RPL31: variants seen among roughly 807,000 people sequenced by gnomAD.
RPL31 encodes the protein large ribosomal subunit protein eL31.
For missense variants in RPL31, 95 were observed against 164.0 expected (o/e 0.58, Z 2.30); for synonymous variants, 51 against 55.0 (o/e 0.93, Z 0.32).
intron 2 of RPL31, among the ~76,000 whole-genome samples, chr2:101,003,930 T>A (rs1466567979): frequency 6.6e-6 from 1 of 152,168 alleles, no homozygotes; most frequent in Non-Finnish European, 1.5e-5. Context: ...TACTGCCTAG[T>A]TTAAGGGTTG....
At chr2:101,018,015 T>C (rs1192463579) in intron 4 of RPL31, 13 of 1,350,832 alleles carry the variant, frequency 9.6e-6, no homozygotes, top group Non-Finnish European at 1.1e-5. Context: ...TTCAAGCATG[T>C]GCTCATTCTA....
chr2:101,013,302 T>C (rs1395060523), intron 4 of RPL31, among the ~76,000 whole-genome samples: 1 of 152,234 alleles, frequency 6.6e-6, no homozygotes, highest in Admixed American at 6.5e-5. Context: ...TAGGATATTA[T>C]GCATTATGGG....
At chr2:101,016,639 G>A (rs1434029524) in intron 4 of RPL31, among the ~76,000 whole-genome samples, 2 of 152,042 alleles carry the variant, frequency 1.3e-5, no homozygotes, top group East Asian at 1.9e-4. Context: ...GTTTATTGCG[G>A]CACTATTCAC....
At chr2:101,011,100 A>T (rs1199408591), downstream of RPL31, 5 of 1,419,474 alleles carry the variant, frequency 3.5e-6, no homozygotes, top group Non-Finnish European at 2.9e-6. Flanking sequence ...ACTATGTAGG[A>T]GAGAGGAGCA....
chr2:101,004,190 A>G lies in RPL31; in HGVS notation c.140A>G (p.Lys47Arg), dbSNP rs1418315642. 9 of 1,613,940 alleles carry G rather than the reference A, an allele frequency of 5.6e-6. No individual in the cohort carries two copies. The highest frequency in any genetic ancestry group is 6.8e-6 in the Non-Finnish European group (8 of 1,179,936). ...GFKKRAPRAL[K>R]EIRKFAMKEM... Reference sequence around the variant, plus strand: ...AAGAAGCGTGCACCTCGGGCACTCAAAGAGATTCGGAAATTTGCCATGAAG... The same window carrying G: ...AAGAAGCGTGCACCTCGGGCACTCAGAGAGATTCGGAAATTTGCCATGAAG... Residue 47 changes from lysine to arginine, a missense_variant, in exon 3 of 5, where the codon AAA (lysine) becomes AGA (arginine). Transcript: ENST00000264258.
Position 101,018,165 on chromosome 2 carries a change from T to C in RPL31, c.347-833T>C, listed in dbSNP as rs1679792458. On this transcript the variant is annotated intron_variant, in intron 4 of 4. Transcript: ENST00000409028. ...TCCCTCATTCATACAGATATTGCTG[T>C]ACTAATCTATAATTATGTTTTAGAA... 9.2e-6 allele frequency: 4 copies of C among 435,148 alleles called. No homozygotes were observed. The Admixed American group carries it at 1.5e-4, about 16-fold the overall frequency. 27.0% of individuals were successfully genotyped at this position (435,148 alleles called of 1,614,324 possible).
intron 3 of RPL31, chr2:101,005,058 A>G (rs1340495376): frequency 1.3e-5 from 2 of 152,312 alleles, no homozygotes; most frequent in Non-Finnish European, 2.9e-5. Flanking sequence ...CCTGAGACCT[A>G]GCTCTTCTGT....
chr2:101,008,317 A>ATCC (rs1039444267), downstream of RPL31: 2 of 1,443,296 alleles, frequency 1.4e-6, no homozygotes, highest in Non-Finnish European at 1.8e-6. Flanking sequence ...ACCAGGGTGG[A>ATCC]AGTGTCATTT....
chr2:101,007,987 TC>T (rs1558961798), downstream of RPL31: 2 of 1,614,034 alleles, frequency 1.2e-6, no homozygotes. Context: ...TAAAATATGT[TC>T]AAGGGAGACA....
chr2:101,011,246 C>G, downstream of RPL31: 1 of 689,000 alleles, frequency 1.5e-6, no homozygotes, highest in Non-Finnish European at 2.4e-6. Context: ...GAGGAAGGAA[C>G]TTGGTGGTGG....
rs771552572 is a variant in RPL31 at position 101,006,423 on chromosome 2, A to ATGTT, written c.*44_*47dup. ...CAAATAAAGTTATAAAATTGCCTTC[A>ATGTT]TGTTTTTGTTCTTTTTAGTTGCAAC... On this transcript the variant is annotated 3_prime_UTR_variant, in exon 5 of 5. Coordinates refer to ENST00000264258, the MANE Select transcript of RPL31 (RefSeq NM_000993.5). 1.3e-6 allele frequency: 2 copies of ATGTT among 1,589,010 alleles called. No homozygotes were observed. The highest frequency in any genetic ancestry group is 1.7e-6 in the Non-Finnish European group (2 of 1,168,088).
downstream of RPL31, chr2:101,011,264 G>T (rs1334593339): frequency 9.9e-6 from 7 of 708,412 alleles, no homozygotes; most frequent in Non-Finnish European, 1.4e-5. Context: ...TGGGGGCAAG[G>T]GGCAGCCACC....
At chr2:101,007,926 C>T (rs1678859519), downstream of RPL31, 25 of 1,614,014 alleles carry the variant, frequency 1.5e-5, no homozygotes, top group Non-Finnish European at 2.0e-5. Context: ...ATTTCATGTC[C>T]AGTGGCTTTT....
downstream of RPL31, among the ~76,000 whole-genome samples, chr2:101,009,860 C>G (rs1197056630): frequency 6.8e-6 from 1 of 147,024 alleles, no homozygotes; most frequent in African/African-American, 2.5e-5. Context: ...CTCGCTCTGT[C>G]GCCCAGGCTG....
downstream of RPL31, chr2:101,007,887 C>CTGA (rs752440402): frequency 1.9e-6 from 3 of 1,613,988 alleles, no homozygotes; most frequent in African/African-American, 2.7e-5. Flanking sequence ...TGAGATTGTA[C>CTGA]TGATTGATCT....
At position 101,006,067 on chromosome 2, in the gene RPL31, C is replaced by T; in HGVS notation, c.342C>T (p.Phe114=). The T allele has an allele frequency of 6.2e-7, 1 of 1,612,854 alleles. No homozygotes were observed. The highest frequency in any genetic ancestry group is 8.5e-7 in the Non-Finnish European group (1 of 1,179,580). ...TTACCTATGTACCTGTTACCACTTT[C>T]AAAAGTAAGTTCTCCATCCCATAAA... ...TLVTYVPVTT[F]KNLQTVNVDE... Residue 114 remains phenylalanine, a synonymous_variant, in exon 4 of 5, where the codon TTC becomes TTT. Coordinates refer to ENST00000264258, the MANE Select transcript of RPL31 (RefSeq NM_000993.5).
chr2:101,007,843 T>A (rs372340498), downstream of RPL31: 2 of 1,613,500 alleles, frequency 1.2e-6, no homozygotes, highest in African/African-American at 2.7e-5. Context: ...CAGCTTAAGT[T>A]CAGATTGTGA....
At chr2:101,015,692 C>T (rs1434009187) in intron 4 of RPL31, among the ~76,000 whole-genome samples, 1 of 152,152 alleles carries the variant, frequency 6.6e-6, no homozygotes, top group Non-Finnish European at 1.5e-5. Flanking sequence ...GCTACAGTAA[C>T]CAAAACAGCA....
chr2:101,012,536 T>G (rs1302), intron 4 of RPL31, among the ~76,000 whole-genome samples: 128,138 of 151,958 alleles, frequency 0.84, 54,402 homozygotes, highest in African/African-American at 0.95. Context: ...GATACACTGG[T>G]AGTGAGAGCT....
Sources: gnomAD v4.1 joint callset for allele counts (sites outside exome capture counted in the v4.1 genomes callset) on GRCh38, gnomAD v4.1.1 for gene constraint, MANE v1.5 for transcripts, NCBI Gene and HGNC (gene_info 2026-07-23, HGNC 2026-07-21) for gene names.